The following EDEM3 variants were observed in gnomAD, a reference collection of about 807,000 sequenced individuals.
EDEM3 encodes ER degradation-enhancing alpha-mannosidase-like protein 3.
In EDEM3, 60 loss-of-function variants were observed where a neutral mutation model predicts 110.2. The observed-to-expected ratio is 0.54, with a 90% CI of 0.44 to 0.67. The LOEUF (loss-of-function observed/expected upper bound fraction) is 0.67. Ranked by LOEUF, EDEM3 falls within the 30% of genes least tolerant of loss-of-function variation. The pLI is 0.00. For synonymous variants in EDEM3, 352 were observed against 382.9 expected (o/e 0.92, Z 0.94); for missense variants, 996 against 1,121.0 (o/e 0.89, Z 1.59).
At position 184,734,526 on chromosome 1, in the gene EDEM3, CT is replaced by C; in HGVS notation, c.458+4del. 1 of 1,326,474 alleles carries C rather than the reference CT, an allele frequency of 7.5e-7. No individual in the cohort carries two copies. The highest frequency in any genetic ancestry group is 1.0e-6 in the Non-Finnish European group (1 of 988,298). The allele number at this position is 1,326,474 out of a possible 1,614,324, so 82.2% of individuals were successfully genotyped here. A position where few individuals can be genotyped will look rare whatever the true frequency, so the allele number is the denominator to read the frequency against. ...AATTATAGCTTTAGTGTCTTTCATACTTACCCAAGAACTCTGATGTTTGTTT... is the reference window on the plus strand; with the variant it reads ...AATTATAGCTTTAGTGTCTTTCATACTACCCAAGAACTCTGATGTTTGTTT... On this transcript the variant is annotated splice_donor_region_variant and intron_variant, in intron 5 of 19. Coordinates refer to ENST00000318130, the MANE Select transcript of EDEM3 (RefSeq NM_025191.4).
chr1:184,692,834 A>G lies in EDEM3; in HGVS notation c.*1229T>C, dbSNP rs1649123833. ...GGAAGTCTCATTAAGCTATATAGCTATATGTAGTTGTATTGTACTTTTTTT... is the reference window on the plus strand; with the variant it reads ...GGAAGTCTCATTAAGCTATATAGCTGTATGTAGTTGTATTGTACTTTTTTT... On this transcript the variant is annotated 3_prime_UTR_variant, in exon 20 of 20. Coordinates refer to ENST00000318130, the MANE Select transcript of EDEM3 (RefSeq NM_025191.4). The G allele has an allele frequency of 6.6e-6, 1 of 150,942 alleles. No individual in the cohort carries two copies. The highest frequency in any genetic ancestry group is 1.9e-4 in the East Asian group (1 of 5,144). The allele number at this position is 150,942 out of a possible 1,614,324, so 9.4% of individuals were successfully genotyped here.
chr1:184,723,896 T>C, intron 7 of EDEM3, 40 bp from the exon 8 acceptor site: 1 of 1,355,842 alleles, frequency 7.4e-7, no homozygotes, highest in Non-Finnish European at 9.9e-7. Context: ...GAAGTGCATA[T>C]TTGAAGAACT....
chr1:184,726,082 C>T (rs1473198969), intron 7 of EDEM3, among the ~76,000 whole-genome samples, 173 bp downstream of exon 7: 1 of 152,168 alleles, frequency 6.6e-6, no homozygotes, highest in Non-Finnish European at 1.5e-5. Context: ...ACATAGCTCT[C>T]TCACAATGTT....
chr1:184,727,161 G>C (rs532690586), intron 6 of EDEM3, among the ~76,000 whole-genome samples: 1 of 152,130 alleles, frequency 6.6e-6, no homozygotes, highest in Non-Finnish European at 1.5e-5. Flanking sequence ...GCATGGTTGC[G>C]TGTGCCTGTA....
intron 1 of EDEM3, among the ~76,000 whole-genome samples, chr1:184,751,235 G>GA (rs138339970): frequency 0.025 from 3,717 of 146,488 alleles, 52 homozygotes; most frequent in East Asian, 0.071. Context: ...GTCCTAAGCA[G>GA]AAAAAAAAAA....
intron 13 of EDEM3, among the ~76,000 whole-genome samples, chr1:184,715,615 C>A (rs1650503716): frequency 6.6e-6 from 1 of 152,132 alleles, no homozygotes; most frequent in Admixed American, 6.5e-5. Context: ...AACTGTGTGA[C>A]CTTAGGCAAG....
At chr1:184,719,300 T>C in intron 10 of EDEM3, 55 bp from the exon 11 acceptor site, 1 of 1,505,146 alleles carries the variant, frequency 6.6e-7, no homozygotes, top group Non-Finnish European at 8.9e-7. Context: ...ATTTTATCTC[T>C]AATCATTACA....
chr1:184,710,274 C>CAT, intron 16 of EDEM3, 120 bp downstream of exon 16: 1 of 1,190,870 alleles, frequency 8.4e-7, no homozygotes, highest in Non-Finnish European at 1.1e-6. Flanking sequence ...TTCTCATTCT[C>CAT]TCACTTTAAA....
intron 19 of EDEM3, among the ~76,000 whole-genome samples, chr1:184,698,089 T>C (rs968767414): frequency 6.6e-6 from 1 of 151,398 alleles, no homozygotes; most frequent in African/African-American, 2.4e-5. Flanking sequence ...AGGCAATCCA[T>C]AAAGAGAAAA....
At position 184,702,945 on chromosome 1, in the gene EDEM3, C is replaced by T. The variant is rs767678243; in HGVS notation, c.2255G>A (p.Gly752Asp). The change falls in exon 19 of 20, where the codon GGT becomes GAT. Residue 752 changes from glycine to aspartate, a missense_variant. This residue lies in a region of EDEM3 where 345 missense variants were observed against 402.0 expected (regional missense o/e 0.86). Coordinates refer to ENST00000318130, the MANE Select transcript of EDEM3 (RefSeq NM_025191.4). Reference sequence around the variant, plus strand: ...GATGTCATCTGTATCCTTTCCATCACCTGCCATCTGGAACAGAGGGGCAGT... The same window carrying T: ...GATGTCATCTGTATCCTTTCCATCATCTGCCATCTGGAACAGAGGGGCAGT... ...SDTAPLFQMA[G>D]DGKDTDDIKI... 2 of 1,613,094 alleles carry T rather than the reference C, an allele frequency of 1.2e-6. No individual in the cohort carries two copies. Among genetic ancestry groups the T allele is most frequent in the East Asian group, 2.2e-5 (1 of 44,776 alleles).
At chr1:184,706,313 G>A (rs1238494159) in intron 18 of EDEM3, among the ~76,000 whole-genome samples, 2 of 152,150 alleles carry the variant, frequency 1.3e-5, no homozygotes, top group Admixed American at 6.6e-5. Context: ...GTGGCACAGT[G>A]TAATTCTTGC....
At chr1:184,728,398 A>C (rs2102101566) in intron 6 of EDEM3, among the ~76,000 whole-genome samples, 1 of 152,352 alleles carries the variant, frequency 6.6e-6, no homozygotes, top group East Asian at 1.9e-4. Context: ...TCTGTATTCC[A>C]CTTTCAGTAT....
chr1:184,708,251 G>A lies in EDEM3; in HGVS notation c.1939C>T (p.Pro647Ser). Residue 647 changes from proline to serine, a missense_variant, in exon 17 of 20, where the codon CCA (proline) becomes TCA (serine). Physicochemically the swap from Pro to Ser is moderately conservative, Grantham distance 74 (BLOSUM62 -1). Coordinates refer to ENST00000318130, the MANE Select transcript of EDEM3 (RefSeq NM_025191.4). ...SQQQKEQQLP[P>S]RAVQIVSHPF... ...TGGGAAACAATTTGTACAGCTCGTG[G>A]AGGCAGCTGCTGTTCTTTTTGTTGC... 1 of 1,613,542 alleles carries A rather than the reference G, an allele frequency of 6.2e-7. No homozygotes were observed. Among genetic ancestry groups the A allele is most frequent in the Non-Finnish European group, 8.5e-7 (1 of 1,179,840 alleles).
At chr1:184,738,872 C>T (rs976305578) in intron 2 of EDEM3, among the ~76,000 whole-genome samples, 5 of 152,168 alleles carry the variant, frequency 3.3e-5, no homozygotes, top group African/African-American at 7.2e-5. Context: ...TTTTGTTTGG[C>T]TTTTAACTTT....
intron 7 of EDEM3, among the ~76,000 whole-genome samples, chr1:184,725,438 A>G (rs1651136142): frequency 6.6e-6 from 1 of 152,178 alleles, no homozygotes; most frequent in Non-Finnish European, 1.5e-5. Context: ...TGAACAAGAT[A>G]TAGAGCAAAA....
chr1:184,739,049 A>C (rs919213257), intron 2 of EDEM3, among the ~76,000 whole-genome samples: 1 of 151,896 alleles, frequency 6.6e-6, no homozygotes, highest in African/African-American at 2.4e-5. Flanking sequence ...TTTGCTCCCC[A>C]AAAATAGATA....
rs1161199184 is a variant in EDEM3, at chr1:184,721,196, T to G, written c.951+93A>C. The G allele has an allele frequency of 4.0e-6, 4 of 996,694 alleles. No homozygotes were observed. In the African/African-American group the frequency reaches 6.8e-5, roughly 17 times the overall value. The allele number at this position is 996,694 out of a possible 1,614,324, so 61.7% of individuals were successfully genotyped here. On this transcript the variant is annotated intron_variant, in intron 9 of 19. Coordinates refer to ENST00000318130, the MANE Select transcript of EDEM3 (RefSeq NM_025191.4). ...ACAAAACCACTACACATTTTAAAAATTATTTTTACAATGTCATTCAGGTAA... is the reference window on the plus strand; with the variant it reads ...ACAAAACCACTACACATTTTAAAAAGTATTTTTACAATGTCATTCAGGTAA...
chr1:184,708,101 A>T, intron 17 of EDEM3, 52 bp downstream of exon 17: 1 of 1,449,242 alleles, frequency 6.9e-7, no homozygotes, highest in Non-Finnish European at 9.3e-7. Context: ...AAATAAGGCA[A>T]TACTTAATAT....
chr1:184,700,837 T>C (rs1649577920), intron 19 of EDEM3, among the ~76,000 whole-genome samples: 1 of 151,994 alleles, frequency 6.6e-6, no homozygotes, highest in Non-Finnish European at 1.5e-5. Context: ...TTAATAAATA[T>C]TAACAATTAG....
Sources: allele counts gnomAD v4.1 joint callset (sites outside exome capture counted in the v4.1 genomes callset), GRCh38; gene constraint gnomAD v4.1.1; regional missense constraint gnomAD v4.1.1; transcripts MANE v1.5; gene names NCBI Gene and HGNC (gene_info 2026-07-23, HGNC 2026-07-21).